TEX11: variants seen among roughly 807,000 people sequenced by gnomAD.
The protein encoded by TEX11 is testis-expressed protein 11.
TEX11 carries 7 observed loss-of-function variants against 84.4 expected under a neutral mutation model. The ratio of observed to expected loss-of-function variants is 0.08; its 90% CI spans 0.05 to 0.16. The LOEUF (loss-of-function observed/expected upper bound fraction) is 0.16, where lower values mean the gene tolerates loss of function less well. TEX11 is among the 10% of genes least tolerant of loss of function. TEX11 has a pLI of 1.00. For synonymous variants in TEX11, 264 were observed against 222.8 expected (o/e 1.18, Z -1.64); for missense variants, 551 against 660.5 (o/e 0.83, Z 1.82).
At chrX:70,577,000 T>C (rs2147471944) in intron 25 of TEX11, among the ~76,000 whole-genome samples, 1 of 111,620 alleles carries the variant, frequency 9.0e-6, no homozygotes, top group South Asian at 3.8e-4. Context: ...AGAGTCTTTG[T>C]TATGAGAAGC....
At chrX:70,766,616 GAA>G in intron 9 of TEX11, among the ~76,000 whole-genome samples, 1 of 107,016 alleles carries the variant, frequency 9.3e-6, no homozygotes. Flanking sequence ...CATAGAAATA[GAA>G]AAAAAAAATC....
At chrX:70,645,875 C>T (rs1373745871) in intron 17 of TEX11, among the ~76,000 whole-genome samples, 2 of 110,740 alleles carry the variant, frequency 1.8e-5, no homozygotes, top group East Asian at 5.6e-4. Flanking sequence ...AATGCAATCC[C>T]TATTAAAATT....
intron 13 of TEX11, among the ~76,000 whole-genome samples, chrX:70,696,397 C>T (rs1025053458): frequency 7.2e-5 from 8 of 111,587 alleles, no homozygotes; most frequent in Non-Finnish European, 1.1e-4. Context: ...CCTCCTACCC[C>T]ATCATTTACA....
the TEX11 span, among the ~76,000 whole-genome samples, chrX:70,520,635 C>T: frequency 1.8e-5 from 2 of 112,444 alleles, no homozygotes; most frequent in Non-Finnish European, 3.8e-5. Context: ...GTTCTCAGAG[C>T]TCAAACACTG....
chrX:70,853,142 T>C lies in TEX11; in HGVS notation c.417A>G (p.Gln139=), dbSNP rs1309295327. The change falls in exon 7 of 30, where the codon CAA becomes CAG. Residue 139 remains glutamine, a synonymous_variant. Coordinates refer to ENST00000374333, the MANE Select transcript of TEX11 (RefSeq NM_031276.3). ...CFQAAVASLE[Q]LYVKLIQRSS... is the part of the protein sequence containing the mutation. ...TCCTTTGAATTAATTTGACGTATAATTGCTCCAGACTCTGGAAAATAAACC... is the reference window on the plus strand; with the variant it reads ...TCCTTTGAATTAATTTGACGTATAACTGCTCCAGACTCTGGAAAATAAACC... 8.3e-7 allele frequency: 1 copy of C among 1,208,428 alleles called. No homozygotes were observed. The highest frequency in any genetic ancestry group is 2.2e-5 in the Admixed American group (1 of 45,502).
At chrX:70,771,638 T>G (rs774550521) in intron 9 of TEX11, among the ~76,000 whole-genome samples, 29 of 112,800 alleles carry the variant, frequency 2.6e-4, no homozygotes, top group African/African-American at 9.0e-4. Context: ...TAATACATAT[T>G]TTTGTGATGC....
At chrX:70,835,335 G>A in intron 7 of TEX11, among the ~76,000 whole-genome samples, 1 of 112,304 alleles carries the variant, frequency 8.9e-6, no homozygotes. Context: ...AGAAATCAAA[G>A]CTCTAATAAT....
intron 20 of TEX11, among the ~76,000 whole-genome samples, chrX:70,620,404 C>T (rs1017066980): frequency 9.0e-6 from 1 of 111,546 alleles, no homozygotes; most frequent in African/African-American, 3.3e-5. Context: ...CAATGAGTTA[C>T]CACTGCATAC....
chrX:70,698,526 CA>C (rs765004401), intron 13 of TEX11, among the ~76,000 whole-genome samples: 113 of 87,367 alleles, frequency 1.3e-3, no homozygotes, highest in African/African-American at 2.3e-3. Context: ...TTCCCCCCAG[CA>C]AAAAAAAAAA....
In TEX11 at chrX:70,884,453, T is replaced by C. The variant is rs1352248039; in HGVS notation, c.38-4344A>G. On this transcript the variant is annotated intron_variant, in intron 2 of 29. Transcript: ENST00000374333. ...GAGCACTACACTATAGCTCTGATTG[T>C]GGGCTAAAGAAAACTATTCAAACTG... 2.7e-5 allele frequency among the ~76,000 whole-genome samples: 3 copies of C among 111,772 alleles called. No homozygotes were observed. The East Asian group carries it at 8.5e-4, about 32-fold the overall frequency.
At chrX:70,706,585 C>A (rs188054382) in intron 13 of TEX11, among the ~76,000 whole-genome samples, 47 of 111,111 alleles carry the variant, frequency 4.2e-4, no homozygotes, top group African/African-American at 1.4e-3. Context: ...CTAACCCCCC[C>A]TTTTATGGTA....
chrX:70,724,666 GT>G (rs1180930234), intron 12 of TEX11, among the ~76,000 whole-genome samples: 2 of 111,228 alleles, frequency 1.8e-5, no homozygotes, highest in Non-Finnish European at 1.9e-5. Context: ...AATAACTACA[GT>G]AATAGGTAAC....
intron 13 of TEX11, among the ~76,000 whole-genome samples, chrX:70,704,115 GTCTC>G (rs112493809): frequency 1.2e-4 from 12 of 103,628 alleles, no homozygotes; most frequent in Non-Finnish European, 1.6e-4. Flanking sequence ...CTCTGTCTCT[GTCTC>G]TCTCTCTCTC....
intron 17 of TEX11, among the ~76,000 whole-genome samples, chrX:70,646,647 C>G (rs5936948): frequency 0.43 from 47,277 of 110,850 alleles, 8,393 homozygotes; most frequent in East Asian, 0.58. Flanking sequence ...CACTACTCAT[C>G]AGAGAAACGC....
At chrX:70,904,788 A>G (rs1408516678) in intron 2 of TEX11, among the ~76,000 whole-genome samples, 2 of 112,258 alleles carry the variant, frequency 1.8e-5, no homozygotes, top group African/African-American at 6.5e-5. Context: ...AAGACTTTGT[A>G]CCAAAAAATG....
intron 9 of TEX11, among the ~76,000 whole-genome samples, chrX:70,792,020 G>C (rs1425532138): frequency 9.5e-6 from 1 of 105,505 alleles, no homozygotes; most frequent in Non-Finnish European, 1.9e-5. Context: ...AGCTACTCGA[G>C]AGGCTGAGGC....
At chrX:70,848,572 G>A (rs1308030403) in intron 7 of TEX11, among the ~76,000 whole-genome samples, 6 of 111,318 alleles carry the variant, frequency 5.4e-5, no homozygotes, top group Non-Finnish European at 1.9e-5. Flanking sequence ...TTGATAGGAT[G>A]GGGGGTGCAA....
At chrX:70,842,848 G>C (rs1422886726) in intron 7 of TEX11, among the ~76,000 whole-genome samples, 1 of 111,177 alleles carries the variant, frequency 9.0e-6, no homozygotes, top group African/African-American at 3.3e-5. Context: ...ACAGACAACA[G>C]AGCCAAATCA....
At chrX:70,783,009 C>T (rs2091051979) in intron 9 of TEX11, among the ~76,000 whole-genome samples, 1 of 111,359 alleles carries the variant, frequency 9.0e-6, no homozygotes, top group African/African-American at 3.3e-5. Context: ...ACTCTCCACC[C>T]CAAATCAACA....
Sources: gnomAD v4.1 joint callset for allele counts (sites outside exome capture counted in the v4.1 genomes callset) on GRCh38, gnomAD v4.1.1 for gene constraint, MANE v1.5 for transcripts, NCBI Gene and HGNC (gene_info 2026-07-23, HGNC 2026-07-21) for gene names.